SHISA9: variants seen among roughly 807,000 people sequenced by gnomAD.
The protein encoded by SHISA9 is protein shisa-9.
SHISA9 carries 13 observed loss-of-function variants against 38.0 expected under a neutral mutation model. That is an observed-to-expected ratio of 0.34 (90% CI 0.22 to 0.54). SHISA9 has a LOEUF of 0.54. Among genes scored for constraint, SHISA9 ranks in the 20% least tolerant of loss-of-function variants. The pLI is 0.91. For missense variants in SHISA9, 538 were observed against 575.8 expected (o/e 0.93, Z 0.67); for synonymous variants, 275 against 242.0 (o/e 1.14, Z -1.27).
At chr16:13,013,405 C>A (rs1035396781) in intron 2 of SHISA9, among the ~76,000 whole-genome samples, 1 of 152,110 alleles carries the variant, frequency 6.6e-6, no homozygotes, top group African/African-American at 2.4e-5. Flanking sequence ...CCGGGGGAAA[C>A]TGAACTTTCA....
chr16:13,271,148 C>A, the SHISA9 span, among the ~76,000 whole-genome samples: 1 of 152,124 alleles, frequency 6.6e-6, no homozygotes, highest in Non-Finnish European at 1.5e-5. Context: ...TAATGTGGAG[C>A]TCACATTTGG....
At chr16:13,429,622 A>T in the SHISA9 span, among the ~76,000 whole-genome samples, 1 of 152,218 alleles carries the variant, frequency 6.6e-6, no homozygotes, top group African/African-American at 2.4e-5. Context: ...TATTCCAAAT[A>T]AGGTCACACT....
At chr16:13,134,373 C>G (rs2050330008) in intron 2 of SHISA9, among the ~76,000 whole-genome samples, 1 of 152,088 alleles carries the variant, frequency 6.6e-6, no homozygotes, top group Admixed American at 6.6e-5. Context: ...ATTTGTTGAG[C>G]CTCTCTTGAG....
At chr16:13,554,456 G>A in the SHISA9 span, among the ~76,000 whole-genome samples, 1 of 150,102 alleles carries the variant, frequency 6.7e-6, no homozygotes, top group South Asian at 2.1e-4. Context: ...TAAAATCTCT[G>A]TGACACAAGA....
chr16:13,502,841 C>A, the SHISA9 span, among the ~76,000 whole-genome samples: 1 of 152,142 alleles, frequency 6.6e-6, no homozygotes, highest in Non-Finnish European at 1.5e-5. Context: ...CACGCCACCA[C>A]ACTCCAGCCT....
chr16:13,277,161 T>C, the SHISA9 span, among the ~76,000 whole-genome samples: 1 of 152,186 alleles, frequency 6.6e-6, no homozygotes, highest in Non-Finnish European at 1.5e-5. Flanking sequence ...GCACCATTTG[T>C]TGAAAAGGGT....
intron 1 of SHISA9, chr16:12,909,067 T>C: frequency 1.0e-6 from 1 of 993,452 alleles, no homozygotes; most frequent in Non-Finnish European, 1.2e-6. Flanking sequence ...CATTTGTGGT[T>C]ATCCTAAGGC....
At chr16:13,084,395 A>C (rs2073687963) in intron 2 of SHISA9, among the ~76,000 whole-genome samples, 1 of 152,224 alleles carries the variant, frequency 6.6e-6, no homozygotes, top group African/African-American at 2.4e-5. Flanking sequence ...GCAGTGAATA[A>C]ACCTTCCAGA....
chr16:12,970,326 CATATATATATATAT>C (rs61455008), intron 2 of SHISA9, among the ~76,000 whole-genome samples: 997 of 73,344 alleles, frequency 0.014, 25 homozygotes, highest in African/African-American at 0.054. Flanking sequence ...GGTATATATA[CATATATATATATAT>C]ATACATATAT....
At chr16:13,218,882 G>A (rs1319939685) in intron 4 of SHISA9, among the ~76,000 whole-genome samples, 1 of 152,160 alleles carries the variant, frequency 6.6e-6, no homozygotes, top group African/African-American at 2.4e-5. Flanking sequence ...CCAGGGGAGG[G>A]AACACCCATC....
the SHISA9 span, chr16:13,458,834 C>G: frequency 5.8e-6 from 1 of 173,676 alleles, no homozygotes; most frequent in Non-Finnish European, 1.2e-5. Context: ...AATAAATTCT[C>G]GGGTTTTTTT....
the SHISA9 span, among the ~76,000 whole-genome samples, chr16:13,257,780 G>T: frequency 3.3e-5 from 5 of 152,076 alleles, no homozygotes; most frequent in African/African-American, 9.7e-5. Flanking sequence ...AATATTTTAG[G>T]CTCCCTTCTG....
chr16:13,297,501 G>A, the SHISA9 span, among the ~76,000 whole-genome samples: 2 of 152,188 alleles, frequency 1.3e-5, no homozygotes, highest in African/African-American at 2.4e-5. Flanking sequence ...ACAGTTGCAG[G>A]TGGTGTCTCT....
the SHISA9 span, among the ~76,000 whole-genome samples, chr16:13,344,388 C>T: frequency 6.6e-6 from 1 of 152,128 alleles, no homozygotes; most frequent in Non-Finnish European, 1.5e-5. Context: ...AGGAATGGTT[C>T]CAAGTGCTGC....
At chr16:13,233,788 A>C (rs1053620569) in intron 4 of SHISA9, among the ~76,000 whole-genome samples, 6 of 152,188 alleles carry the variant, frequency 3.9e-5, no homozygotes, top group African/African-American at 1.4e-4. Context: ...AGGTGGGAGG[A>C]TTGCTTGAGC....
chr16:13,068,860 A>C (rs1390594057), intron 2 of SHISA9, among the ~76,000 whole-genome samples: 1 of 142,118 alleles, frequency 7.0e-6, no homozygotes, highest in African/African-American at 3.0e-5. Context: ...ATATGCATAC[A>C]TGCAATGTGT....
At chr16:13,037,088 C>CCACACACACA (rs71147781) in intron 2 of SHISA9, among the ~76,000 whole-genome samples, 1 of 129,654 alleles carries the variant, frequency 7.7e-6, no homozygotes, top group South Asian at 2.4e-4. Flanking sequence ...ACACACCACA[C>CCACACACACA]CACACACACA....
chr16:12,950,940 A>G (rs1248152492), intron 2 of SHISA9, among the ~76,000 whole-genome samples: 8 of 148,534 alleles, frequency 5.4e-5, no homozygotes, highest in Non-Finnish European at 1.2e-4. Flanking sequence ...AAATGTGGCT[A>G]CTTGAAAAGT....
chr16:13,284,954 G>C, the SHISA9 span, among the ~76,000 whole-genome samples: 1 of 152,056 alleles, frequency 6.6e-6, no homozygotes, highest in African/African-American at 2.4e-5. Context: ...CTGGATGTAT[G>C]TTACCTGTCT....
Sources: allele counts gnomAD v4.1 joint callset (sites outside exome capture counted in the v4.1 genomes callset), GRCh38; gene constraint gnomAD v4.1.1; transcripts MANE v1.5; gene names NCBI Gene and HGNC (gene_info 2026-07-23, HGNC 2026-07-21).